RAPGEF6: variants seen among roughly 807,000 people sequenced by gnomAD.
RAPGEF6 encodes Rap guanine nucleotide exchange factor 6, also known as PDZ domain containing guanine nucleotide exchange factor (GEF) 2.
RAPGEF6 carries 56 observed loss-of-function variants against 171.4 expected under a neutral mutation model. That is an observed-to-expected ratio of 0.33 (90% CI 0.26 to 0.41). RAPGEF6 has a LOEUF of 0.41. RAPGEF6 is among the 10% of genes least tolerant of loss of function. The pLI is 1.00. For synonymous variants in RAPGEF6, 692 were observed against 650.1 expected (o/e 1.06, Z -0.98); for missense variants, 1,674 against 1,921.4 (o/e 0.87, Z 2.41).
intron 1 of RAPGEF6, among the ~76,000 whole-genome samples, chr5:131,617,867 C>T (rs1278401397): frequency 6.6e-6 from 1 of 152,136 alleles, no homozygotes; most frequent in East Asian, 1.9e-4. Context: ...AACAATATGC[C>T]AAAGTTAATA....
At chr5:131,438,955 C>A (rs1356566016) in intron 24 of RAPGEF6, among the ~76,000 whole-genome samples, 1 of 152,102 alleles carries the variant, frequency 6.6e-6, no homozygotes, top group East Asian at 1.9e-4. Flanking sequence ...CAGGGTCTTG[C>A]TGTGTTGCCC....
intron 5 of RAPGEF6, among the ~76,000 whole-genome samples, chr5:131,557,962 T>C (rs1441458426): frequency 2.0e-5 from 3 of 152,192 alleles, no homozygotes; most frequent in African/African-American, 4.8e-5. Flanking sequence ...CCTATAATAC[T>C]GCTTTTGTAT....
intron 21 of RAPGEF6, 79 bp downstream of exon 21, chr5:131,452,975 A>T: frequency 2.0e-6 from 3 of 1,493,648 alleles, no homozygotes; most frequent in Non-Finnish European, 2.7e-6. Flanking sequence ...AATAAATATG[A>T]TCAATAAATG....
intron 23 of RAPGEF6, 115 bp downstream of exon 23, chr5:131,442,234 G>T: frequency 3.0e-6 from 3 of 996,270 alleles, no homozygotes; most frequent in Non-Finnish European, 4.2e-6. Flanking sequence ...ATAAAGTGAC[G>T]ATTATATTAC....
chr5:131,542,789 T>G (rs923011244), intron 6 of RAPGEF6, among the ~76,000 whole-genome samples: 1 of 152,152 alleles, frequency 6.6e-6, no homozygotes. Flanking sequence ...GTAAAAGGAA[T>G]TGTATATACA....
intron 22 of RAPGEF6, among the ~76,000 whole-genome samples, chr5:131,444,916 T>G (rs1323080017): frequency 6.6e-6 from 1 of 152,244 alleles, no homozygotes; most frequent in Non-Finnish European, 1.5e-5. Flanking sequence ...AGGTTCTATA[T>G]ACTCTTTCAG....
chr5:131,565,918 A>AG (rs1206019723), intron 4 of RAPGEF6, among the ~76,000 whole-genome samples: 33 of 152,188 alleles, frequency 2.2e-4, no homozygotes, highest in Non-Finnish European at 4.0e-4. Context: ...GGCAGAGGCT[A>AG]GCAAATAGCT....
At chr5:131,580,210 G>A (rs926931615) in intron 4 of RAPGEF6, among the ~76,000 whole-genome samples, 1 of 152,156 alleles carries the variant, frequency 6.6e-6, no homozygotes, top group South Asian at 2.1e-4. Flanking sequence ...GTGAGAATTC[G>A]AGCGTGGCAT....
At chr5:131,628,427 T>C (rs7730790) in intron 1 of RAPGEF6, among the ~76,000 whole-genome samples, 4,054 of 151,954 alleles carry the variant, frequency 0.027, 191 homozygotes, top group African/African-American at 0.092. Flanking sequence ...TCTAAAAAGG[T>C]TGAGAGATGA....
intron 6 of RAPGEF6, among the ~76,000 whole-genome samples, chr5:131,528,313 T>TATCATATA: frequency 2.0e-5 from 1 of 48,846 alleles, no homozygotes; most frequent in African/African-American, 7.2e-5. Context: ...TATATTTATA[T>TATCATATA]TATATATATA....
chr5:131,539,744 T>G (rs754190466), intron 6 of RAPGEF6, among the ~76,000 whole-genome samples: 1 of 152,190 alleles, frequency 6.6e-6, no homozygotes, highest in Non-Finnish European at 1.5e-5. Flanking sequence ...TTGACAAATG[T>G]ACATTAACTC....
intron 3 of RAPGEF6, among the ~76,000 whole-genome samples, chr5:131,597,769 AAAAT>A (rs1763987600): frequency 6.6e-6 from 1 of 152,180 alleles, no homozygotes; most frequent in African/African-American, 2.4e-5. Context: ...CAAAATAAGA[AAAAT>A]AAATTCTGGT....
chr5:131,427,727 C>G (rs1216458664), intron 27 of RAPGEF6, among the ~76,000 whole-genome samples: 1 of 152,158 alleles, frequency 6.6e-6, no homozygotes, highest in Non-Finnish European at 1.5e-5. Flanking sequence ...GATTGAGCCA[C>G]TGTTTCATCA....
At chr5:131,428,438 C>T (rs1751499568) in intron 27 of RAPGEF6, among the ~76,000 whole-genome samples, 1 of 151,880 alleles carries the variant, frequency 6.6e-6, no homozygotes. Context: ...AACCAAAACA[C>T]TCCCCCATAC....
intron 6 of RAPGEF6, among the ~76,000 whole-genome samples, chr5:131,542,467 C>G (rs1760215821): frequency 6.6e-6 from 1 of 152,148 alleles, no homozygotes; most frequent in Admixed American, 6.5e-5. Flanking sequence ...ACTAAGCAAG[C>G]TGACAGAACA....
At chr5:131,577,303 T>A (rs1307510896) in intron 4 of RAPGEF6, among the ~76,000 whole-genome samples, 1 of 152,200 alleles carries the variant, frequency 6.6e-6, no homozygotes, top group Non-Finnish European at 1.5e-5. Context: ...AAAGAACTAA[T>A]GGTCTTTTAA....
At chr5:131,496,371 T>A (rs1319215039) in intron 12 of RAPGEF6, among the ~76,000 whole-genome samples, 1 of 152,170 alleles carries the variant, frequency 6.6e-6, no homozygotes, top group South Asian at 2.1e-4. Context: ...AGAATCCACA[T>A]AAAATTCATC....
intron 1 of RAPGEF6, among the ~76,000 whole-genome samples, chr5:131,623,477 C>CATTTTTTTTTT (rs1554088737): frequency 1.1e-4 from 12 of 114,144 alleles, no homozygotes; most frequent in African/African-American, 2.7e-4. Context: ...TTTCACATTG[C>CATTTTTTTTTT]TTTTTTTTTT....
chr5:131,619,591 A>G (rs1430982259), intron 1 of RAPGEF6, among the ~76,000 whole-genome samples: 1 of 152,186 alleles, frequency 6.6e-6, no homozygotes, highest in East Asian at 1.9e-4. Flanking sequence ...TGAGCATCCA[A>G]TTGTTTATAA....
Sources: allele counts gnomAD v4.1 joint callset (sites outside exome capture counted in the v4.1 genomes callset), GRCh38; gene constraint gnomAD v4.1.1; transcripts MANE v1.5; gene names NCBI Gene and HGNC (gene_info 2026-07-23, HGNC 2026-07-21).